Variants in FGF14 observed in about 807,000 individuals in gnomAD.
The protein encoded by FGF14 is fibroblast growth factor homologous factor 4.
FGF14 carries 5 observed loss-of-function variants against 25.5 expected under a neutral mutation model. That is an observed-to-expected ratio of 0.20 (90% CI 0.10 to 0.41). FGF14 has a LOEUF of 0.41. FGF14 is among the 10% of genes least tolerant of loss of function. FGF14 has a pLI of 1.00. For missense variants in FGF14, 222 were observed against 320.1 expected, an observed-to-expected ratio of 0.69 and a Z score of 2.34; for synonymous variants, 138 against 118.3, an observed-to-expected ratio of 1.17 and a Z score of -1.08.
chr13:101,835,392 C>T (rs2042874726), intron 3 of FGF14, among the ~76,000 whole-genome samples: 1 of 152,026 alleles, frequency 6.6e-6, no homozygotes, highest in Non-Finnish European at 1.5e-5. Flanking sequence ...GGACAAAAAT[C>T]AAGTTATCTT....
rs966380847 is a variant in FGF14, at chr13:102,400,100, G to A, written c.208+1371C>T. 1.3e-5 allele frequency among the ~76,000 whole-genome samples: 2 copies of A among 150,760 alleles called. No homozygotes were observed. Among genetic ancestry groups the A allele is most frequent in the African/African-American group, 4.9e-5 (2 of 41,104 alleles). ...TCTGCCTCGCGCTGCACCCGCAGGC[G>A]GCAGACCCCTCGGAGCGCGCCACCC... On this transcript the variant is annotated intron_variant, in intron 1 of 4. Coordinates refer to the FGF14 transcript ENST00000376131. The surrounding 1 kb of genome is among the most constrained non-coding windows in gnomAD (Gnocchi z 4.3).
chr13:102,094,507 G>A (rs2044304973), intron 1 of FGF14, among the ~76,000 whole-genome samples: 1 of 152,080 alleles, frequency 6.6e-6, no homozygotes, highest in African/African-American at 2.4e-5. Flanking sequence ...ATTCTGGAGG[G>A]GGCAGGGAAT....
intron 1 of FGF14, among the ~76,000 whole-genome samples, chr13:102,233,909 T>C (rs1330057824): frequency 6.6e-6 from 1 of 152,240 alleles, no homozygotes; most frequent in Non-Finnish European, 1.5e-5. Flanking sequence ...TAAACATCTA[T>C]CTTCAACTGT....
intron 1 of FGF14, among the ~76,000 whole-genome samples, chr13:101,943,272 C>A (rs16959481): frequency 4.2e-4 from 64 of 152,038 alleles, no homozygotes; most frequent in Admixed American, 1.2e-3. Context: ...TAGACTTAAC[C>A]GTGTGTCTGC....
chr13:101,902,594 G>A (rs1288869981), intron 1 of FGF14, among the ~76,000 whole-genome samples: 2 of 152,160 alleles, frequency 1.3e-5, no homozygotes, highest in Non-Finnish European at 2.9e-5. Context: ...CCATCTGTGT[G>A]TAATACAATC....
At chr13:102,012,149 A>G (rs552912090) in intron 1 of FGF14, among the ~76,000 whole-genome samples, 1 of 152,106 alleles carries the variant, frequency 6.6e-6, no homozygotes, top group Non-Finnish European at 1.5e-5. Context: ...AAACTAATCA[A>G]TTTGCCGATC....
chr13:102,378,881 G>A (rs951259515), intron 1 of FGF14, among the ~76,000 whole-genome samples: 1 of 151,944 alleles, frequency 6.6e-6, no homozygotes, highest in African/African-American at 2.4e-5. Context: ...AAACACAGAG[G>A]CATTTAGTGG....
intron 1 of FGF14, among the ~76,000 whole-genome samples, chr13:102,308,088 A>G (rs1473423490): frequency 6.6e-6 from 1 of 152,170 alleles, no homozygotes; most frequent in Non-Finnish European, 1.5e-5. Context: ...GCTGGCATCA[A>G]CAATGTGTGG....
rs1367644075 is a variant in FGF14, at chr13:101,713,538, T to G, written c.*9293A>C. 6.6e-6 allele frequency: 1 copy of G among 152,186 alleles called. No homozygotes were observed. The allele number at this position is 152,186 out of a possible 1,614,324, so 9.4% of individuals were successfully genotyped here. The stretch of plus-strand genomic sequence containing the variant: ...GAAGGAAAAGAAAGTCCTTTTTATT[T>G]GTTTCTTTTTCATTGTAAAGTCTTT... On this transcript the variant is annotated 3_prime_UTR_variant, in exon 5 of 5. Transcript: ENST00000376143.
At chr13:102,161,635 A>C (rs1361826664) in intron 1 of FGF14, among the ~76,000 whole-genome samples, 4 of 11,396 alleles carry the variant, frequency 3.5e-4, no homozygotes, top group East Asian at 0.016. Context: ...GAAGAAGAAG[A>C]AGAAGAAGAA....
chr13:102,178,993 G>A (rs2048561064), intron 1 of FGF14, among the ~76,000 whole-genome samples: 1 of 151,952 alleles, frequency 6.6e-6, no homozygotes, highest in African/African-American at 2.4e-5. Flanking sequence ...AGGAAATCAG[G>A]GAATAAGGAC....
chr13:101,958,161 A>G (rs1204804735), intron 1 of FGF14, among the ~76,000 whole-genome samples: 2 of 152,110 alleles, frequency 1.3e-5, no homozygotes, highest in African/African-American at 2.4e-5. Context: ...GAGCTTTCCT[A>G]AACTCAGAGA....
intron 1 of FGF14, among the ~76,000 whole-genome samples, chr13:102,382,186 A>G (rs920427575): frequency 3.9e-5 from 6 of 152,188 alleles, no homozygotes; most frequent in Non-Finnish European, 7.4e-5. Flanking sequence ...CCATTAAGAA[A>G]GTGAAAAGAA....
At chr13:102,001,187 T>C (rs1424070789) in intron 1 of FGF14, among the ~76,000 whole-genome samples, 1 of 152,196 alleles carries the variant, frequency 6.6e-6, no homozygotes, top group Non-Finnish European at 1.5e-5. Flanking sequence ...AAAGGATTCA[T>C]AGGAAAAATA....
At chr13:102,178,065 T>A (rs1045728973) in intron 1 of FGF14, among the ~76,000 whole-genome samples, 9 of 151,922 alleles carry the variant, frequency 5.9e-5, no homozygotes, top group African/African-American at 1.9e-4. Context: ...CACCCTCACC[T>A]CCAGCACAAA....
At chr13:101,861,197 T>G (rs1306214699) in intron 3 of FGF14, among the ~76,000 whole-genome samples, 3 of 152,118 alleles carry the variant, frequency 2.0e-5, no homozygotes, top group Non-Finnish European at 2.9e-5. Context: ...CTGCACAGCT[T>G]TCCCAAGACA....
intron 3 of FGF14, among the ~76,000 whole-genome samples, chr13:101,852,078 A>G (rs2043879489): frequency 6.6e-6 from 1 of 152,120 alleles, no homozygotes; most frequent in Non-Finnish European, 1.5e-5. Flanking sequence ...GTGGAAGATT[A>G]GAAGCAAAAA....
chr13:101,819,447 T>C (rs925670534), intron 3 of FGF14, among the ~76,000 whole-genome samples: 9 of 152,310 alleles, frequency 5.9e-5, no homozygotes, highest in African/African-American at 1.4e-4. Flanking sequence ...AGACTCAATG[T>C]GAATAGGAGA....
At chr13:102,138,055 G>A (rs576365620) in intron 1 of FGF14, among the ~76,000 whole-genome samples, 63 of 149,026 alleles carry the variant, frequency 4.2e-4, no homozygotes, top group Non-Finnish European at 7.4e-4. Flanking sequence ...CTCCTCCATC[G>A]CCCTGGCCTG....
Sources: gnomAD v4.1 joint callset for allele counts (sites outside exome capture counted in the v4.1 genomes callset) on GRCh38, gnomAD v4.1.1 for gene constraint, Gnocchi (gnomAD v3.1) non-coding constraint, MANE v1.5 for transcripts, NCBI Gene and HGNC (gene_info 2026-07-23, HGNC 2026-07-21) for gene names.